Variants in UVRAG observed in about 807,000 individuals in gnomAD.
The protein encoded by UVRAG is UV radiation resistance associated.
A neutral mutation model predicts 78.0 loss-of-function variants in UVRAG; 19 were observed. The observed-to-expected ratio is 0.24, with a 90% confidence interval of 0.17 to 0.36. The LOEUF is 0.36. Among genes scored for constraint, UVRAG ranks in the 10% least tolerant of loss-of-function variants. UVRAG has a pLI of 1.00. For synonymous variants in UVRAG, 323 were observed against 324.6 expected (o/e 1.00, Z 0.05); for missense variants, 740 against 853.8 (o/e 0.87, Z 1.66).
chr11:75,885,139 A>AT (rs1054890528), intron 4 of UVRAG, among the ~76,000 whole-genome samples: 207 of 151,498 alleles, frequency 1.4e-3, no homozygotes, highest in African/African-American at 4.5e-3. Context: ...TCTGTTTTCA[A>AT]TTTTTTTTGC....
At position 75,873,671 on chromosome 11, in the gene UVRAG, T is replaced by C. The variant is rs1374564745; in HGVS notation, c.271-6208T>C. ...TTTTATTGCTTTCATTCCTAGCATA[T>C]GTAAGCTAGAGGAAGCCCTCATTTT... On this transcript the variant is annotated intron_variant, in intron 3 of 14. Coordinates refer to ENST00000356136, the MANE Select transcript of UVRAG (RefSeq NM_003369.4). 2.0e-5 allele frequency among the ~76,000 whole-genome samples: 3 copies of C among 152,224 alleles called. No individual in the cohort carries two copies. The East Asian group carries it at 5.8e-4, about 29-fold the overall frequency.
At chr11:76,093,935 C>G (rs1951746437) in intron 13 of UVRAG, among the ~76,000 whole-genome samples, 1 of 152,192 alleles carries the variant, frequency 6.6e-6, no homozygotes, top group African/African-American at 2.4e-5. Flanking sequence ...CTGTCTTGTG[C>G]CAGTTTTCAA....
intron 8 of UVRAG, among the ~76,000 whole-genome samples, chr11:76,000,723 T>C (rs1949798252): frequency 6.6e-6 from 1 of 152,180 alleles, no homozygotes; most frequent in African/African-American, 2.4e-5. Context: ...GTGTCTATAT[T>C]AATATCTGGC....
At chr11:75,935,465 G>C (rs982568947) in intron 6 of UVRAG, among the ~76,000 whole-genome samples, 2 of 151,876 alleles carry the variant, frequency 1.3e-5, no homozygotes, top group Non-Finnish European at 2.9e-5. Context: ...AAGGCAATCT[G>C]TCTCTCTTTC....
At chr11:76,065,849 C>T in intron 13 of UVRAG, 61 bp downstream of exon 13, 5 of 1,519,688 alleles carry the variant, frequency 3.3e-6, no homozygotes, top group Non-Finnish European at 4.5e-6. Context: ...CCTTAGATTG[C>T]CAGCCTTTTT....
chr11:76,081,267 G>A lies in UVRAG; in HGVS notation c.1305+15479G>A, dbSNP rs534950216. ...GTTGCCCAGGCTGGAGTACAATGGC[G>A]CAATCTTGACTCACTGCAACCTCCA... On this transcript the variant is annotated intron_variant, in intron 13 of 14. Transcript: ENST00000356136. Among the ~76,000 whole-genome samples the A allele has an allele frequency of 1.2e-4, 18 of 151,750 alleles. No individual in the cohort carries two copies. In the East Asian group the frequency reaches 1.7e-3, roughly 15 times the overall value.
intron 11 of UVRAG, among the ~76,000 whole-genome samples, chr11:76,013,397 A>G (rs1950090596): frequency 1.3e-5 from 2 of 152,160 alleles, no homozygotes; most frequent in Non-Finnish European, 2.9e-5. Context: ...CTTAAGGTTC[A>G]TTCGTGTTTC....
chr11:75,865,359 C>T (rs1478590808), intron 3 of UVRAG, among the ~76,000 whole-genome samples: 2 of 151,524 alleles, frequency 1.3e-5, no homozygotes, highest in African/African-American at 4.8e-5. Flanking sequence ...GTTCTTATGC[C>T]CTTATTCTGT....
rs930213315 is a variant in UVRAG at position 75,851,750 on chromosome 11, G to A, written c.118-133G>A. 5.8e-5 allele frequency: 41 copies of A among 702,330 alleles called. No individual in the cohort carries two copies. The African/African-American group carries it at 6.8e-4, about 12-fold the overall frequency. The allele number at this position is 702,330 out of a possible 1,614,324, so 43.5% of individuals were successfully genotyped here. ...GATGCTGAGGCATAAATAAGAGACTGGGTTATGGTTTCTGGCTCAATAAAT... is the reference window on the plus strand; with the variant it reads ...GATGCTGAGGCATAAATAAGAGACTAGGTTATGGTTTCTGGCTCAATAAAT... On this transcript the variant is annotated intron_variant, in intron 1 of 14. Coordinates refer to ENST00000356136, the MANE Select transcript of UVRAG (RefSeq NM_003369.4).
chr11:75,841,474 G>A (rs887842809), intron 1 of UVRAG, among the ~76,000 whole-genome samples: 38 of 151,922 alleles, frequency 2.5e-4, no homozygotes, highest in East Asian at 7.7e-4. Context: ...ATTTCTTTAC[G>A]TAAACATTAA....
At chr11:76,020,121 A>C (rs2135377197) in intron 12 of UVRAG, among the ~76,000 whole-genome samples, 1 of 152,124 alleles carries the variant, frequency 6.6e-6, no homozygotes, top group East Asian at 1.9e-4. Context: ...CATCACCTAG[A>C]CCCACGGTGG....
chr11:75,823,240 C>T (rs1383684561), intron 1 of UVRAG, among the ~76,000 whole-genome samples: 1 of 152,154 alleles, frequency 6.6e-6, no homozygotes, highest in African/African-American at 2.4e-5. Context: ...TCAGGTTTCT[C>T]TGCTATAAGG....
chr11:75,828,782 TATATATATATATATATATATA>T (rs1945587580), intron 1 of UVRAG, among the ~76,000 whole-genome samples: 4 of 72,584 alleles, frequency 5.5e-5, no homozygotes, highest in African/African-American at 2.4e-4. Flanking sequence ...TATACACACA[TATATATATATATATATATATA>T]TATTTTTTTT....
chr11:75,840,415 C>T lies in UVRAG; in HGVS notation c.118-11468C>T, dbSNP rs983661153. Among the ~76,000 whole-genome samples the T allele has an allele frequency of 7.9e-5, 12 of 151,340 alleles. No individual in the cohort carries two copies. In the East Asian group the frequency reaches 1.4e-3, roughly 17 times the overall value. ...AACACTACCTGGCAGAAGAATGGGG[C>T]GGGGGAAGGCAAGTTTTGGGGCCTT... is the stretch of plus-strand genomic sequence containing the variant. On this transcript the variant is annotated intron_variant, in intron 1 of 14. Coordinates refer to ENST00000356136, the MANE Select transcript of UVRAG (RefSeq NM_003369.4).
At chr11:75,981,741 TC>T (rs1949399966) in intron 7 of UVRAG, among the ~76,000 whole-genome samples, 1 of 152,184 alleles carries the variant, frequency 6.6e-6, no homozygotes, top group African/African-American at 2.4e-5. Flanking sequence ...TCATTTTTTT[TC>T]AAGGCTATTT....
At chr11:75,970,170 T>C (rs1949097144) in intron 7 of UVRAG, among the ~76,000 whole-genome samples, 1 of 152,190 alleles carries the variant, frequency 6.6e-6, no homozygotes, top group Non-Finnish European at 1.5e-5. Context: ...CATATTCATT[T>C]TGGGGACAGA....
chr11:76,015,202 A>G (rs1950124781), intron 11 of UVRAG, among the ~76,000 whole-genome samples: 1 of 152,188 alleles, frequency 6.6e-6, no homozygotes, highest in African/African-American at 2.4e-5. Flanking sequence ...GAGGCTCCCA[A>G]GTTAAAAAAT....
chr11:76,017,528 A>T (rs942642023), intron 12 of UVRAG, among the ~76,000 whole-genome samples: 2 of 152,196 alleles, frequency 1.3e-5, no homozygotes, highest in African/African-American at 2.4e-5. Flanking sequence ...AACAAAAGAC[A>T]TGAAATTACA....
At position 75,974,348 on chromosome 11, in the gene UVRAG, CT is replaced by C. The variant is rs1250909052; in HGVS notation, c.700-9037del. ...ATGTGTCTGTTGGCTGCATAAATGT[CT>C]TCTTTTTTTTTTTTTTTTTTTTTTT... is the stretch of plus-strand genomic sequence containing the variant. On this transcript the variant is annotated intron_variant, in intron 7 of 14. Transcript: ENST00000356136. 2.5e-5 allele frequency among the ~76,000 whole-genome samples: 3 copies of C among 122,356 alleles called. No homozygotes were observed. In the East Asian group the frequency reaches 8.0e-4, roughly 33 times the overall value. 80.3% of individuals were successfully genotyped at this position (122,356 alleles called of 152,430 possible).
Sources: gnomAD v4.1 joint callset for allele counts (sites outside exome capture counted in the v4.1 genomes callset) on GRCh38, gnomAD v4.1.1 for gene constraint, MANE v1.5 for transcripts, NCBI Gene and HGNC (gene_info 2026-07-23, HGNC 2026-07-21) for gene names.